Variants in KIAA1958 observed in about 807,000 individuals in gnomAD.
KIAA1958 encodes uncharacterized protein KIAA1958.
In KIAA1958, 14 loss-of-function variants were observed where a neutral mutation model predicts 47.2. The observed-to-expected ratio is 0.30, with a 90% CI of 0.20 to 0.46. The LOEUF (loss-of-function observed/expected upper bound fraction) is 0.46. KIAA1958 is among the 20% of genes least tolerant of loss of function. The pLI, the probability that KIAA1958 is intolerant of heterozygous loss-of-function variation, is 1.00. For synonymous variants in KIAA1958, 354 were observed against 353.3 expected, an observed-to-expected ratio of 1.00 and a Z score of -0.02; for missense variants, 803 against 909.2, an observed-to-expected ratio of 0.88 and a Z score of 1.50.
intron 2 of KIAA1958, among the ~76,000 whole-genome samples, chr9:112,585,149 C>G (rs1389201167): frequency 6.6e-6 from 1 of 152,140 alleles, no homozygotes; most frequent in Non-Finnish European, 1.5e-5. Flanking sequence ...GTTTATCAGA[C>G]CTGTTTTTAG....
intron 3 of KIAA1958, 105 bp from the exon 4 acceptor site, chr9:112,659,158 G>T: frequency 2.3e-6 from 2 of 870,678 alleles, no homozygotes; most frequent in Non-Finnish European, 3.6e-6. Flanking sequence ...CCTGCTAAGG[G>T]GTCACAGAAT....
chr9:112,581,620 A>C (rs1185778944), intron 2 of KIAA1958, among the ~76,000 whole-genome samples: 2 of 152,116 alleles, frequency 1.3e-5, no homozygotes, highest in Non-Finnish European at 2.9e-5. Flanking sequence ...TCCCTCACTC[A>C]TCCAGGAAGT....
In KIAA1958 at chr9:112,618,339, G is replaced by T; in HGVS notation, c.1172-27311G>T. The T allele has an allele frequency of 6.4e-7, 1 of 1,551,254 alleles. No homozygotes were observed. The highest frequency in any genetic ancestry group is 1.2e-5 in the South Asian group (1 of 84,058). On this transcript the variant is annotated intron_variant, in intron 2 of 3. Transcript: ENST00000337530. The surrounding 1 kb of genome is among the most constrained non-coding windows in gnomAD (Gnocchi z 7.1). ...CCCGAGGGTTTGCTCAACCTAGTCTGGCTCAACAACACAAAAGCTTTTGGG... is the reference window on the plus strand; with the variant it reads ...CCCGAGGGTTTGCTCAACCTAGTCTTGCTCAACAACACAAAAGCTTTTGGG...
rs1303395787 is a variant in KIAA1958, at chr9:112,576,177, C to CT, written c.1171+932dup. On this transcript the variant is annotated intron_variant, in intron 2 of 3. Coordinates refer to ENST00000337530, the MANE Select transcript of KIAA1958 (RefSeq NM_133465.4). ...TTGGATTAAGTTGCTTTACAAACTT[C>CT]TTTTTTCCAATTTTAGTATCAACTT... 2.0e-5 allele frequency among the ~76,000 whole-genome samples: 3 copies of CT among 152,152 alleles called. No individual in the cohort carries two copies. In the South Asian group the frequency reaches 6.2e-4, roughly 32 times the overall value.
intron 2 of KIAA1958, among the ~76,000 whole-genome samples, chr9:112,607,177 C>T (rs991932619): frequency 4.6e-5 from 7 of 151,640 alleles, no homozygotes; most frequent in African/African-American, 9.7e-5. Flanking sequence ...ACCAATATGG[C>T]GAAACCCCAT....
At chr9:112,606,295 G>A (rs1007676109) in intron 2 of KIAA1958, among the ~76,000 whole-genome samples, 8 of 152,062 alleles carry the variant, frequency 5.3e-5, no homozygotes, top group East Asian at 1.9e-4. Flanking sequence ...ATAGGTTCAC[G>A]GGAGCCATAA....
intron 1 of KIAA1958, among the ~76,000 whole-genome samples, chr9:112,504,002 A>C (rs1300182797): frequency 6.6e-6 from 1 of 151,840 alleles, no homozygotes; most frequent in African/African-American, 2.4e-5. Flanking sequence ...TTAAAAACGA[A>C]GTATTTTGCA....
chr9:112,532,154 G>A (rs1834761223), intron 1 of KIAA1958, among the ~76,000 whole-genome samples: 1 of 152,180 alleles, frequency 6.6e-6, no homozygotes, highest in Non-Finnish European at 1.5e-5. Flanking sequence ...ATTCAGGCTT[G>A]GAAGTTGCAG....
chr9:112,607,455 A>G (rs1564188989), intron 2 of KIAA1958, among the ~76,000 whole-genome samples: 1 of 152,076 alleles, frequency 6.6e-6, no homozygotes, highest in Non-Finnish European at 1.5e-5. Context: ...TCCCTTTTGA[A>G]GAACTGGAAT....
rs190291768 is a variant in KIAA1958, at chr9:112,610,582, C to T, written c.1172-35068C>T. 5.3e-5 allele frequency among the ~76,000 whole-genome samples: 8 copies of T among 152,222 alleles called. No individual in the cohort carries two copies. The East Asian group carries it at 1.5e-3, about 29-fold the overall frequency. ...CTTTATACAACTCTATGCAAATCAC[C>T]TTAAAAGCTTGGAAGAAGTAGATGA... On this transcript the variant is annotated intron_variant, in intron 2 of 3. Coordinates refer to ENST00000337530, the MANE Select transcript of KIAA1958 (RefSeq NM_133465.4).
intron 1 of KIAA1958, among the ~76,000 whole-genome samples, chr9:112,516,930 G>C (rs1046653533): frequency 6.6e-6 from 1 of 152,190 alleles, no homozygotes; most frequent in Non-Finnish European, 1.5e-5. Context: ...GAAGTGTGAG[G>C]TATGGAAACA....
At chr9:112,554,464 C>T (rs766493693) in intron 1 of KIAA1958, among the ~76,000 whole-genome samples, 1 of 151,442 alleles carries the variant, frequency 6.6e-6, no homozygotes, top group Non-Finnish European at 1.5e-5. Context: ...TGCCACTGCA[C>T]TCCAGCCTGG....
intron 2 of KIAA1958, among the ~76,000 whole-genome samples, chr9:112,583,067 C>T (rs561182448): frequency 4.0e-4 from 61 of 152,340 alleles, no homozygotes; most frequent in African/African-American, 1.4e-3. Flanking sequence ...TTACAGCCTA[C>T]ATTGTCATTT....
chr9:112,618,835 T>C lies in KIAA1958; in HGVS notation c.1172-26815T>C, dbSNP rs776511799. 31 of 1,550,454 alleles carry C rather than the reference T, an allele frequency of 2.0e-5. No individual in the cohort carries two copies. Among genetic ancestry groups the C allele is most frequent in the Non-Finnish European group, 2.4e-5 (27 of 1,146,926 alleles). On this transcript the variant is annotated intron_variant, in intron 2 of 3. Transcript: ENST00000337530. The surrounding 1 kb of genome is among the most constrained non-coding windows in gnomAD (Gnocchi z 7.1). ...TCTGTAACAATCTGAGCCAGCAGGC[T>C]GCCCAGTCAGTGGCCGGCCACTCCA...
intron 3 of KIAA1958, among the ~76,000 whole-genome samples, chr9:112,658,837 T>G (rs540863358): frequency 3.3e-5 from 5 of 151,188 alleles, no homozygotes; most frequent in Admixed American, 6.6e-5. Context: ...TGGCTAACAC[T>G]GTGAAACCCC....
intron 2 of KIAA1958, chr9:112,617,857 C>T (rs756898077): frequency 1.4e-4 from 217 of 1,537,774 alleles, no homozygotes; most frequent in Non-Finnish European, 1.7e-4. Flanking sequence ...CCCTCCCCCC[C>T]CAATTTGTTG....
At chr9:112,561,499 C>A (rs1217443901) in intron 1 of KIAA1958, among the ~76,000 whole-genome samples, 2 of 152,190 alleles carry the variant, frequency 1.3e-5, no homozygotes, top group African/African-American at 4.8e-5. Flanking sequence ...TGCCTAGTGG[C>A]CCACTGTCAT....
intron 2 of KIAA1958, among the ~76,000 whole-genome samples, chr9:112,641,115 C>A (rs1397498102): frequency 1.3e-5 from 2 of 152,058 alleles, no homozygotes; most frequent in African/African-American, 4.8e-5. Context: ...ATGTCTTATA[C>A]CCTGTATCTT....
chr9:112,597,089 T>G (rs1199845053), intron 2 of KIAA1958, among the ~76,000 whole-genome samples: 1 of 152,228 alleles, frequency 6.6e-6, no homozygotes, highest in Non-Finnish European at 1.5e-5. Context: ...GCCATAAAAT[T>G]TCAGCAAACT....
Sources: gnomAD v4.1 joint callset for allele counts (sites outside exome capture counted in the v4.1 genomes callset) on GRCh38, gnomAD v4.1.1 for gene constraint, Gnocchi (gnomAD v3.1) non-coding constraint, MANE v1.5 for transcripts, NCBI Gene and HGNC (gene_info 2026-07-23, HGNC 2026-07-21) for gene names.